Variants in DLGAP2 observed in about 807,000 individuals in gnomAD.
The protein encoded by DLGAP2 is disks large-associated protein 2.
Under a neutral mutation model 100.3 loss-of-function variants are expected in DLGAP2, and 26 were observed. The observed-to-expected ratio is 0.26, with a 90% CI of 0.19 to 0.36. The LOEUF is 0.36. Ranked by LOEUF, DLGAP2 falls within the 10% of genes least tolerant of loss-of-function variation. The probability of loss-of-function intolerance (pLI) is 1.00; values close to 1 mark genes in which losing one functional copy is unlikely to be tolerated. For synonymous variants in DLGAP2, 886 were observed against 630.1 expected (o/e 1.41, Z -6.08); for missense variants, 1,858 against 1,453.2 (o/e 1.28, Z -4.53).
intron 2 of DLGAP2, among the ~76,000 whole-genome samples, chr8:1,249,834 A>G (rs979931202): frequency 1.3e-5 from 2 of 152,198 alleles, no homozygotes; most frequent in Non-Finnish European, 2.9e-5. Context: ...TGGGTTGAAT[A>G]ATACTGAGAC....
chr8:1,041,703 T>C (rs1802354871), intron 2 of DLGAP2, among the ~76,000 whole-genome samples: 1 of 106,840 alleles, frequency 9.4e-6, no homozygotes, highest in Non-Finnish European at 1.8e-5. Context: ...TCCGAGCCCC[T>C]TGCCGTGGGT....
intron 1 of DLGAP2, among the ~76,000 whole-genome samples, chr8:768,978 C>G (rs1177510673): frequency 1.3e-5 from 2 of 152,052 alleles, no homozygotes; most frequent in Non-Finnish European, 2.9e-5. Flanking sequence ...GGGGGCATAT[C>G]CTTATCCCTC....
At chr8:1,620,132 A>G (rs61400782) in intron 6 of DLGAP2, among the ~76,000 whole-genome samples, 6,707 of 152,122 alleles carry the variant, frequency 0.044, 490 homozygotes, top group African/African-American at 0.15. Flanking sequence ...TTCCACTCAT[A>G]CTTCCATTTT....
Position 1,319,799 on chromosome 8 carries a change from G to T in DLGAP2, c.106+60916G>T, listed in dbSNP as rs147879044. On this transcript the variant is annotated intron_variant, in intron 3 of 14. Transcript: ENST00000637795. ...GTTGTCTGTAAGGGGCCAGAGACCG[G>T]AAGGAAACGTAGATCACATGCCAGA... Among the ~76,000 whole-genome samples the T allele has an allele frequency of 1.8e-3, 268 of 152,308 alleles. 3 individuals carry two copies. Among genetic ancestry groups the T allele is most frequent in the Non-Finnish European group, 3.0e-3 (207 of 68,026 alleles).
In DLGAP2 at chr8:929,870, G is replaced by A. The variant is rs946396548; in HGVS notation, c.73+21904G>A. On this transcript the variant is annotated intron_variant, in intron 2 of 14. Transcript: ENST00000637795. ...TGAGTTACCAAGAATGGACACATTAGTGCAGGATGGAATTGAAATGTATTG... is the reference window on the plus strand; with the variant it reads ...TGAGTTACCAAGAATGGACACATTAATGCAGGATGGAATTGAAATGTATTG... 4.6e-5 allele frequency among the ~76,000 whole-genome samples: 7 copies of A among 151,764 alleles called. No individual in the cohort carries two copies. In the South Asian group the frequency reaches 1.3e-3, roughly 27 times the overall value.
chr8:1,548,775 G>C lies in DLGAP2; in HGVS notation c.322G>C (p.Glu108Gln), dbSNP rs766206805. 14 of 1,596,810 alleles carry C rather than the reference G, an allele frequency of 8.8e-6. No homozygotes were observed. The South Asian group carries it at 1.6e-4, about 18-fold the overall frequency. ...TCGLAPPEDC[E>Q]HLHHGPDARP... Reference sequence around the variant, plus strand: ...TGGTCTGGCGCCCCCGGAGGACTGCGAGCACCTGCACCACGGGCCCGACGC... The same window carrying C: ...TGGTCTGGCGCCCCCGGAGGACTGCCAGCACCTGCACCACGGGCCCGACGC... Residue 108 changes from glutamate (E) to glutamine (Q), a missense_variant, in exon 5 of 15, where the codon GAG becomes CAG. Physicochemically the swap from Glu to Gln is conservative, Grantham distance 29. Transcript: ENST00000637795.
chr8:1,277,508 GA>G (rs982584184), intron 3 of DLGAP2, among the ~76,000 whole-genome samples: 8 of 151,404 alleles, frequency 5.3e-5, no homozygotes, highest in Admixed American at 1.3e-4. Context: ...AGGAGAATTA[GA>G]AAAAAAAATG....
At chr8:1,036,734 G>T (rs1802136838) in intron 2 of DLGAP2, among the ~76,000 whole-genome samples, 1 of 152,178 alleles carries the variant, frequency 6.6e-6, no homozygotes. Context: ...GCTCCCAGCT[G>T]TAGCGGAGCG....
chr8:1,280,174 C>T (rs1305178109), intron 3 of DLGAP2, among the ~76,000 whole-genome samples: 1 of 152,136 alleles, frequency 6.6e-6, no homozygotes, highest in East Asian at 1.9e-4. Context: ...GATGGTTTTT[C>T]ATTAGCTGGT....
intron 2 of DLGAP2, among the ~76,000 whole-genome samples, chr8:1,021,372 A>G (rs1437935664): frequency 6.6e-6 from 1 of 152,182 alleles, no homozygotes; most frequent in Non-Finnish European, 1.5e-5. Flanking sequence ...AAAATGCTCT[A>G]AGGTGAGAGC....
intron 3 of DLGAP2, among the ~76,000 whole-genome samples, chr8:1,455,094 G>T (rs975357292): frequency 3.3e-5 from 5 of 152,216 alleles, no homozygotes; most frequent in African/African-American, 1.2e-4. Flanking sequence ...CTTGGCTGCC[G>T]TGAGGGGTGG....
intron 2 of DLGAP2, among the ~76,000 whole-genome samples, chr8:1,198,187 C>T (rs150926426): frequency 1.1e-4 from 16 of 152,144 alleles, no homozygotes; most frequent in East Asian, 1.9e-4. Flanking sequence ...GGCTATGCTG[C>T]GGCGAAAAGG....
chr8:1,625,125 G>A (rs951356108), intron 6 of DLGAP2, among the ~76,000 whole-genome samples: 1 of 152,138 alleles, frequency 6.6e-6, no homozygotes, highest in African/African-American at 2.4e-5. Flanking sequence ...GAAAGTGTGT[G>A]CTTTAATGCC....
intron 3 of DLGAP2, among the ~76,000 whole-genome samples, chr8:1,370,845 G>C (rs1328629776): frequency 1.3e-5 from 2 of 152,222 alleles, no homozygotes; most frequent in African/African-American, 4.8e-5. Flanking sequence ...TAAAAGATGA[G>C]TAACGCACCA....
intron 1 of DLGAP2, among the ~76,000 whole-genome samples, chr8:746,044 T>A (rs529489600): frequency 6.6e-6 from 1 of 152,140 alleles, no homozygotes; most frequent in Non-Finnish European, 1.5e-5. Context: ...CCAGGCCTCC[T>A]TACTGGTGCC....
chr8:1,504,522 T>C (rs950234560), intron 4 of DLGAP2, among the ~76,000 whole-genome samples: 3 of 152,196 alleles, frequency 2.0e-5, no homozygotes, highest in African/African-American at 7.2e-5. Flanking sequence ...ACTGAAATGC[T>C]GCACCCTTCC....
chr8:1,631,212 G>C (rs571473268), intron 7 of DLGAP2, among the ~76,000 whole-genome samples: 71 of 152,214 alleles, frequency 4.7e-4, no homozygotes, highest in Non-Finnish European at 7.8e-4. Flanking sequence ...GCATAGCCGA[G>C]GGTCCTTGCT....
rs192369021 is a variant in DLGAP2 at position 951,411 on chromosome 8, T to C, written c.73+43445T>C. Among the ~76,000 whole-genome samples, 860 of 152,202 alleles carry C rather than the reference T, an allele frequency of 5.7e-3. 15 individuals carry two copies. Among genetic ancestry groups the C allele is most frequent in the African/African-American group, 0.02 (832 of 41,528 alleles). ...AGGCACCTGCCACCACACCTGGCTA[T>C]TTTTTTGTTTTTATTTTTTAATAGA... is the stretch of plus-strand genomic sequence containing the variant. On this transcript the variant is annotated intron_variant, in intron 2 of 14. Transcript: ENST00000637795.
At chr8:1,458,751 T>C (rs1209345331) in intron 3 of DLGAP2, among the ~76,000 whole-genome samples, 1 of 152,214 alleles carries the variant, frequency 6.6e-6, no homozygotes, top group African/African-American at 2.4e-5. Flanking sequence ...CTAGGATGTG[T>C]CGGCTTTGAG....
Sources: gnomAD v4.1 joint callset for allele counts (sites outside exome capture counted in the v4.1 genomes callset) on GRCh38, gnomAD v4.1.1 for gene constraint, MANE v1.5 for transcripts, NCBI Gene and HGNC (gene_info 2026-07-23, HGNC 2026-07-21) for gene names.